SRGAP1: variants seen among roughly 807,000 people sequenced by gnomAD.
SRGAP1 encodes the protein SLIT-ROBO Rho GTPase-activating protein 1.
A neutral mutation model predicts 121.9 loss-of-function variants in SRGAP1; 43 were observed. That is an observed-to-expected ratio of 0.35 (90% CI 0.28 to 0.46). The LOEUF (loss-of-function observed/expected upper bound fraction) is 0.46, where lower values mean the gene tolerates loss of function less well. Ranked by LOEUF, SRGAP1 falls within the 20% of genes least tolerant of loss-of-function variation. The pLI is 1.00. For synonymous variants in SRGAP1, 447 were observed against 485.4 expected (o/e 0.92, Z 1.04); for missense variants, 1,102 against 1,350.9 (o/e 0.82, Z 2.89).
At chr12:63,977,979 C>A (rs545316911) in intron 1 of SRGAP1, among the ~76,000 whole-genome samples, 46 of 152,210 alleles carry the variant, frequency 3.0e-4, no homozygotes, top group Non-Finnish European at 6.2e-4. Context: ...GGTGAAAAGT[C>A]TTTCCTAATA....
At position 63,961,483 on chromosome 12, in the gene SRGAP1, G is replaced by A. The variant is rs146226811; in HGVS notation, c.68-22464G>A. Among the ~76,000 whole-genome samples, 801 of 152,286 alleles carry A rather than the reference G, an allele frequency of 5.3e-3. 6 individuals carry two copies. Among genetic ancestry groups the A allele is most frequent in the African/African-American group, 0.018 (735 of 41,578 alleles). On this transcript the variant is annotated intron_variant, in intron 1 of 21. Coordinates refer to ENST00000355086, the MANE Select transcript of SRGAP1 (RefSeq NM_020762.4). ...AGCAGTCTTGGGCTGTATGGATGGG[G>A]GATTCCAGATCGTATATGTAGAGCA...
At chr12:63,869,842 G>A (rs1899789180) in intron 1 of SRGAP1, among the ~76,000 whole-genome samples, 1 of 152,190 alleles carries the variant, frequency 6.6e-6, no homozygotes, top group African/African-American at 2.4e-5. Context: ...TATTGTTAAT[G>A]TCTTAGTAAC....
At chr12:63,882,136 A>G (rs545831809) in intron 1 of SRGAP1, among the ~76,000 whole-genome samples, 136 of 152,222 alleles carry the variant, frequency 8.9e-4, no homozygotes, top group African/African-American at 3.2e-3. Flanking sequence ...TTTTGCACCA[A>G]CCTAAATATA....
chr12:64,094,548 G>A (rs772091961), intron 12 of SRGAP1, among the ~76,000 whole-genome samples: 35 of 151,922 alleles, frequency 2.3e-4, no homozygotes, highest in Non-Finnish European at 3.5e-4. Context: ...AGGGATGTCA[G>A]AGAGAGAATC....
intron 3 of SRGAP1, among the ~76,000 whole-genome samples, chr12:64,006,405 G>A (rs2034082494): frequency 6.6e-6 from 1 of 152,204 alleles, no homozygotes; most frequent in Non-Finnish European, 1.5e-5. Flanking sequence ...GGTGTTAGGA[G>A]TGTAGCCTAT....
chr12:63,964,650 A>G (rs779378193), intron 1 of SRGAP1, among the ~76,000 whole-genome samples: 12 of 152,156 alleles, frequency 7.9e-5, no homozygotes, highest in Non-Finnish European at 1.5e-4. Flanking sequence ...TTTGAATTAC[A>G]TCCCAAGAAC....
chr12:63,943,911 C>G (rs1007402491), intron 1 of SRGAP1, among the ~76,000 whole-genome samples: 3 of 152,026 alleles, frequency 2.0e-5, no homozygotes, highest in African/African-American at 7.3e-5. Flanking sequence ...TCAGAAAATC[C>G]AAGAATGTAT....
In SRGAP1 at chr12:64,087,005, G is replaced by C. The variant is rs368521108; in HGVS notation, c.1415G>C (p.Arg472Thr). Residue 472 changes from arginine (R) to threonine (T), a missense_variant, in exon 11 of 22, where the codon AGA becomes ACA. Physicochemically the swap from Arg to Thr is moderately conservative, Grantham distance 71. Coordinates refer to ENST00000355086, the MANE Select transcript of SRGAP1 (RefSeq NM_020762.4). ...LLQRTLGEGH[R>T]AEYMTTRPPN... ...TTAAATTTTTTTCCTGCAGGTCATA[G>C]AGCTGAATATATGACTACAAGGTAG... is the stretch of plus-strand genomic sequence containing the variant. The C allele has an allele frequency of 4.4e-6, 7 of 1,595,064 alleles. No individual in the cohort carries two copies. The highest frequency in any genetic ancestry group is 2.3e-5 in the East Asian group (1 of 44,430).
At chr12:63,870,214 T>A (rs2136276013) in intron 1 of SRGAP1, among the ~76,000 whole-genome samples, 1 of 152,348 alleles carries the variant, frequency 6.6e-6, no homozygotes, top group East Asian at 1.9e-4. Flanking sequence ...AACATAAAAT[T>A]GCTGTTTTAT....
At chr12:63,921,394 C>T (rs1047251702) in intron 1 of SRGAP1, among the ~76,000 whole-genome samples, 1 of 152,172 alleles carries the variant, frequency 6.6e-6, no homozygotes, top group Non-Finnish European at 1.5e-5. Context: ...ACGATATGAC[C>T]TGAATGACCA....
At position 64,156,580 on chromosome 12, in the gene SRGAP1, A is replaced by G. The variant is rs2037165962; in HGVS notation, c.*13908A>G. The G allele has an allele frequency of 6.6e-6, 1 of 152,218 alleles. No individual in the cohort carries two copies. The highest frequency in any genetic ancestry group is 2.1e-4 in the South Asian group (1 of 4,826). The allele number at this position is 152,218 out of a possible 1,614,324, so 9.4% of individuals were successfully genotyped here. A position where few individuals can be genotyped will look rare whatever the true frequency, so the allele number is the denominator to read the frequency against. On this transcript the variant is annotated 3_prime_UTR_variant, in exon 22 of 22. Transcript: ENST00000355086. ...ACCCCAAGATTAGGGGTTTTGTTAG[A>G]GGCAAAGCTAAAAGGAAATGATAAA...
At chr12:63,923,694 A>G (rs2031153087) in intron 1 of SRGAP1, among the ~76,000 whole-genome samples, 1 of 152,228 alleles carries the variant, frequency 6.6e-6, no homozygotes, top group Admixed American at 6.5e-5. Flanking sequence ...AGTAGTATAC[A>G]TGATGGTTAT....
intron 18 of SRGAP1, chr12:64,116,117 CGTG>C (rs1373761539): frequency 6.5e-6 from 3 of 461,180 alleles, no homozygotes; most frequent in East Asian, 8.5e-5. Context: ...ATTAGCCAGG[CGTG>C]GTGATGTGCA....
intron 1 of SRGAP1, among the ~76,000 whole-genome samples, chr12:63,854,692 T>G (rs1352318685): frequency 1.3e-5 from 2 of 152,238 alleles, no homozygotes; most frequent in African/African-American, 4.8e-5. Flanking sequence ...ATAATTTCAC[T>G]GCCACACTGT....
At chr12:64,101,886 C>T (rs1173065351) in intron 15 of SRGAP1, among the ~76,000 whole-genome samples, 7 of 152,048 alleles carry the variant, frequency 4.6e-5, no homozygotes, top group African/African-American at 1.7e-4. Flanking sequence ...TATGAGGAAA[C>T]GGTTTCTTAA....
chr12:64,127,897 G>A lies in SRGAP1; in HGVS notation c.2577G>A (p.Arg859=). 1 of 1,613,222 alleles carries A rather than the reference G, an allele frequency of 6.2e-7. No homozygotes were observed. Among genetic ancestry groups the A allele is most frequent in the Non-Finnish European group, 8.5e-7 (1 of 1,179,352 alleles). ...RKRGEPPPPV[R]RPGRTSDGHC... ...GAGGAGAGCCACCCCCTCCAGTAAG[G>A]CGTCCTGGCAGGACCAGTGATGGCC... Residue 859 remains arginine (R), a synonymous_variant, in exon 21 of 22, where the codon AGG becomes AGA. Transcript: ENST00000355086.
intron 1 of SRGAP1, among the ~76,000 whole-genome samples, chr12:63,882,536 G>A (rs1022726251): frequency 6.6e-6 from 1 of 151,894 alleles, no homozygotes; most frequent in Non-Finnish European, 1.5e-5. Flanking sequence ...CACCCGCCTC[G>A]GCCTCCCAAA....
chr12:64,089,801 T>G (rs1007894911), intron 11 of SRGAP1, among the ~76,000 whole-genome samples: 10 of 152,186 alleles, frequency 6.6e-5, no homozygotes, highest in African/African-American at 2.4e-4. Context: ...ACCTTGTTCA[T>G]CATATGAGCC....
At chr12:64,106,801 C>T (rs185025212) in intron 15 of SRGAP1, among the ~76,000 whole-genome samples, 24 of 152,224 alleles carry the variant, frequency 1.6e-4, no homozygotes, top group Admixed American at 7.2e-4. Flanking sequence ...ATGCAATAGA[C>T]GTAACCCTAA....
Sources: allele counts gnomAD v4.1 joint callset (sites outside exome capture counted in the v4.1 genomes callset), GRCh38; gene constraint gnomAD v4.1.1; transcripts MANE v1.5; gene names NCBI Gene and HGNC (gene_info 2026-07-23, HGNC 2026-07-21).